Variants in C3orf20 observed in about 807,000 individuals in gnomAD.
C3orf20 encodes the protein uncharacterized protein C3orf20.
Under a neutral mutation model 88.3 loss-of-function variants are expected in C3orf20, and 76 were observed. The ratio of observed to expected loss-of-function variants is 0.86; its 90% CI spans 0.72 to 1.04. The LOEUF (loss-of-function observed/expected upper bound fraction) is 1.04, where lower values mean the gene tolerates loss of function less well. Ranked by LOEUF, C3orf20 falls within the 50% of genes least tolerant of loss-of-function variation. The pLI, the probability that C3orf20 is intolerant of heterozygous loss-of-function variation, is 0.00. For synonymous variants in C3orf20, 436 were observed against 437.4 expected (o/e 1.00, Z 0.04); for missense variants, 1,056 against 1,123.3 (o/e 0.94, Z 0.86).
At chr3:14,691,820 A>G (rs2124909636) in intron 5 of C3orf20, among the ~76,000 whole-genome samples, 1 of 152,288 alleles carries the variant, frequency 6.6e-6, no homozygotes, top group South Asian at 2.1e-4. Context: ...TTTGACTGTA[A>G]TCACCCTGTG....
At position 14,682,695 on chromosome 3, in the gene C3orf20, A is replaced by G. The variant is rs745628078; in HGVS notation, c.-19A>G. The stretch of plus-strand genomic sequence containing the variant: ...AGTCACCTCTCAGAGAGCTCTCTTT[A>G]TAGCTGAAGGTCCCTCTCATGAGTT... On this transcript the variant is annotated 5_prime_UTR_variant, in exon 3 of 17. Transcript: ENST00000253697. The G allele has an allele frequency of 7.6e-6, 12 of 1,587,882 alleles. No homozygotes were observed. The highest frequency in any genetic ancestry group is 2.7e-5 in the African/African-American group (2 of 74,294).
intron 13 of C3orf20, among the ~76,000 whole-genome samples, chr3:14,759,011 A>G (rs1204997684): frequency 1.3e-5 from 2 of 152,230 alleles, no homozygotes; most frequent in African/African-American, 2.4e-5. Context: ...GTTGTTCGCT[A>G]ACAGTTGTCC....
intron 9 of C3orf20, among the ~76,000 whole-genome samples, chr3:14,720,902 G>C (rs909190277): frequency 6.6e-6 from 1 of 152,208 alleles, no homozygotes; most frequent in Non-Finnish European, 1.5e-5. Flanking sequence ...TTGAGATTCA[G>C]CGAAGCTAAC....
At chr3:14,755,486 G>C (rs1257022043) in intron 12 of C3orf20, among the ~76,000 whole-genome samples, 2 of 152,114 alleles carry the variant, frequency 1.3e-5, no homozygotes, top group Non-Finnish European at 2.9e-5. Flanking sequence ...ATAATTAATA[G>C]ATCCAGTCTC....
chr3:14,676,522 T>C (rs1228293645), intron 1 of C3orf20, among the ~76,000 whole-genome samples: 1 of 152,212 alleles, frequency 6.6e-6, no homozygotes, highest in East Asian at 1.9e-4. Flanking sequence ...ATCAGCTTAA[T>C]GTACATCATT....
intron 9 of C3orf20, among the ~76,000 whole-genome samples, chr3:14,721,423 G>C (rs897876229): frequency 6.6e-6 from 1 of 152,258 alleles, no homozygotes; most frequent in Non-Finnish European, 1.5e-5. Context: ...GAGTTGGAAA[G>C]GGAAGGAGTA....
chr3:14,754,765 G>A (rs1230659598), intron 12 of C3orf20, among the ~76,000 whole-genome samples: 1 of 152,014 alleles, frequency 6.6e-6, no homozygotes, highest in Non-Finnish European at 1.5e-5. Context: ...TGCTCTGTCT[G>A]CCAGGCTGGA....
At chr3:14,716,683 G>A (rs1222262098) in intron 9 of C3orf20, among the ~76,000 whole-genome samples, 1 of 152,126 alleles carries the variant, frequency 6.6e-6, no homozygotes, top group African/African-American at 2.4e-5. Context: ...CTCCTTTGTG[G>A]CATCCCATCC....
intron 2 of C3orf20, 66 bp from the exon 3 acceptor site, chr3:14,682,512 C>T (rs187728532): frequency 1.2e-3 from 752 of 645,050 alleles, no homozygotes; most frequent in Admixed American, 3.2e-3. Flanking sequence ...AGGTAAGGGA[C>T]GGGGGACCTC....
chr3:14,770,524 T>C (rs1426729844), intron 15 of C3orf20, among the ~76,000 whole-genome samples: 6 of 152,122 alleles, frequency 3.9e-5, no homozygotes, highest in African/African-American at 1.4e-4. Flanking sequence ...CTAGGCCTTG[T>C]AGGATGGCCC....
intron 6 of C3orf20, among the ~76,000 whole-genome samples, chr3:14,703,960 G>A (rs555108112): frequency 1.8e-4 from 28 of 152,200 alleles, no homozygotes; most frequent in African/African-American, 6.5e-4. Context: ...CATGGGGAGA[G>A]GGCAGCCACT....
In C3orf20 at chr3:14,772,231, G is replaced by A. The variant is rs769662308; in HGVS notation, c.2630+30G>A. The A allele has an allele frequency of 6.2e-7, 1 of 1,614,082 alleles. No individual in the cohort carries two copies. Among genetic ancestry groups the A allele is most frequent in the Non-Finnish European group, 8.5e-7 (1 of 1,179,968 alleles). ...GTGACCACATCAGCTGCCAGAATGG[G>A]CGTGGCTCACAGCAGGCCACCTCGG... On this transcript the variant is annotated intron_variant, in intron 16 of 16. Coordinates refer to ENST00000253697, the MANE Select transcript of C3orf20 (RefSeq NM_032137.5). This position sits in a 1 kb window ranked among gnomAD's most constrained non-coding sequence, Gnocchi z 4.2.
At chr3:14,758,975 G>T (rs899287164) in intron 13 of C3orf20, among the ~76,000 whole-genome samples, 3 of 152,232 alleles carry the variant, frequency 2.0e-5, no homozygotes, top group African/African-American at 7.2e-5. Context: ...ACTTAGAGTT[G>T]ATTTTAGCTT....
chr3:14,757,562 T>G lies in C3orf20; in HGVS notation c.2132T>G (p.Leu711Arg). The change falls in exon 13 of 17, where the codon CTG becomes CGG. Residue 711 changes from leucine (L) to arginine (R), a missense_variant. Leu to Arg is a moderately radical substitution (Grantham distance 102). Coordinates refer to ENST00000253697, the MANE Select transcript of C3orf20 (RefSeq NM_032137.5). ...LLAPRDPSQVLVFGIISSQNY... is the reference protein window; with the variant it reads ...LLAPRDPSQVRVFGIISSQNY... ...GCGCCCCGAGACCCCAGCCAAGTGC[T>G]GGTGTTTGGGATCATCTCAAGCCAG... 6.2e-7 allele frequency: 1 copy of G among 1,613,948 alleles called. No homozygotes were observed. The highest frequency in any genetic ancestry group is 8.5e-7 in the Non-Finnish European group (1 of 1,179,956).
At chr3:14,709,486 G>T (rs930591475) in intron 7 of C3orf20, among the ~76,000 whole-genome samples, 1 of 152,118 alleles carries the variant, frequency 6.6e-6, no homozygotes, top group South Asian at 2.1e-4. Flanking sequence ...CATTTATTAT[G>T]ATGTTAGTTG....
chr3:14,761,443 G>A, intron 14 of C3orf20, 30 bp from the exon 15 acceptor site: 1 of 1,613,886 alleles, frequency 6.2e-7, no homozygotes, highest in African/African-American at 1.3e-5. Flanking sequence ...ATGTGCTGAG[G>A]ATCTCTCCTC....
chr3:14,686,872 G>A (rs944890912), intron 4 of C3orf20, among the ~76,000 whole-genome samples: 7 of 152,192 alleles, frequency 4.6e-5, no homozygotes, highest in African/African-American at 1.7e-4. Flanking sequence ...CAGTAGCTTT[G>A]TCAGGCTCCC....
At chr3:14,756,421 C>T (rs941256059) in intron 12 of C3orf20, among the ~76,000 whole-genome samples, 4 of 151,956 alleles carry the variant, frequency 2.6e-5, no homozygotes, top group African/African-American at 4.8e-5. Context: ...CAAAACACAC[C>T]AAATTCATGA....
Position 14,712,186 on chromosome 3 carries a change from A to G in C3orf20, c.1161-1821A>G, listed in dbSNP as rs200473550. Among the ~76,000 whole-genome samples the G allele has an allele frequency of 3.1e-3, 291 of 94,832 alleles. 1 individual carries two copies. Among genetic ancestry groups the G allele is most frequent in the African/African-American group, 9.6e-3 (268 of 28,018 alleles). The allele number at this position is 94,832 out of a possible 152,430, so 62.2% of individuals were successfully genotyped here. On this transcript the variant is annotated intron_variant, in intron 7 of 16. Coordinates refer to ENST00000253697, the MANE Select transcript of C3orf20 (RefSeq NM_032137.5). ...CACGCACACACACGCGCGCGCGCAC[A>G]CACACACACACACACACACACACAC...
Sources: gnomAD v4.1 joint callset for allele counts (sites outside exome capture counted in the v4.1 genomes callset) on GRCh38, gnomAD v4.1.1 for gene constraint, Gnocchi (gnomAD v3.1) non-coding constraint, MANE v1.5 for transcripts, NCBI Gene and HGNC (gene_info 2026-07-23, HGNC 2026-07-21) for gene names.